Variants in MCTP1 observed in about 807,000 individuals in gnomAD.
The protein encoded by MCTP1 is multiple C2 and transmembrane domain-containing protein 1.
A neutral mutation model predicts 120.6 loss-of-function variants in MCTP1; 69 were observed. The observed-to-expected ratio is 0.57, with a 90% CI of 0.47 to 0.70. The LOEUF is 0.70. MCTP1 is among the 30% of genes least tolerant of loss of function. The probability of loss-of-function intolerance (pLI) is 0.00; values close to 1 mark genes in which losing one functional copy is unlikely to be tolerated. For missense variants in MCTP1, 1,203 were observed against 1,248.8 expected, an observed-to-expected ratio of 0.96 and a Z score of 0.55; for synonymous variants, 529 against 493.1, an observed-to-expected ratio of 1.07 and a Z score of -0.96.
At chr5:95,058,762 A>AT (rs896016663) in intron 1 of MCTP1, among the ~76,000 whole-genome samples, 1 of 151,670 alleles carries the variant, frequency 6.6e-6, no homozygotes, top group African/African-American at 2.4e-5. Context: ...ACACAGGACA[A>AT]TTTTTTCCTT....
At chr5:95,223,980 G>A (rs1753975527) in intron 1 of MCTP1, among the ~76,000 whole-genome samples, 1 of 152,034 alleles carries the variant, frequency 6.6e-6, no homozygotes, top group Non-Finnish European at 1.5e-5. Context: ...TAAACAATGA[G>A]GCTATTTGAA....
chr5:94,897,642 G>A (rs1194001130), intron 10 of MCTP1, among the ~76,000 whole-genome samples: 6 of 152,168 alleles, frequency 3.9e-5, no homozygotes, highest in African/African-American at 1.4e-4. Context: ...TGGGATTACA[G>A]GCATGAGCCA....
At chr5:94,775,633 T>C (rs76053128) in intron 19 of MCTP1, among the ~76,000 whole-genome samples, 2,377 of 152,226 alleles carry the variant, frequency 0.016, 27 homozygotes, top group Middle Eastern at 0.034. Context: ...TTTCTAACAT[T>C]TAATTCAGGA....
At chr5:95,050,754 T>G (rs1745694906) in intron 1 of MCTP1, among the ~76,000 whole-genome samples, 1 of 152,172 alleles carries the variant, frequency 6.6e-6, no homozygotes, top group African/African-American at 2.4e-5. Context: ...AAAAAACCAG[T>G]GTGGAAGTTC....
chr5:95,191,301 C>T (rs944854448), intron 1 of MCTP1, among the ~76,000 whole-genome samples: 2 of 151,882 alleles, frequency 1.3e-5, no homozygotes, highest in African/African-American at 2.4e-5. Flanking sequence ...TATATTTGTA[C>T]CCATTTGTAT....
At chr5:94,942,275 C>A in intron 4 of MCTP1, 73 bp downstream of exon 4, 1 of 1,123,878 alleles carries the variant, frequency 8.9e-7, no homozygotes, top group Non-Finnish European at 1.3e-6. Context: ...GACCCCAGAT[C>A]AGCTGACATT....
chr5:94,783,131 T>C (rs1388617099), intron 18 of MCTP1, among the ~76,000 whole-genome samples: 3 of 152,112 alleles, frequency 2.0e-5, no homozygotes, highest in Non-Finnish European at 2.9e-5. Context: ...TTCTTGGTAC[T>C]ATTCCTTGAA....
Position 94,905,728 on chromosome 5 carries a change from T to C in MCTP1, c.1652+3523A>G, listed in dbSNP as rs1024675017. 5.9e-5 allele frequency among the ~76,000 whole-genome samples: 9 copies of C among 152,150 alleles called. No individual in the cohort carries two copies. In the South Asian group the frequency reaches 1.7e-3, roughly 28 times the overall value. On this transcript the variant is annotated intron_variant, in intron 10 of 22. Transcript: ENST00000515393. ...AAGTTTAGCTTTGCACATTCTAAATTGGAGAAATCTATTAGACTTTCAAAT... is the reference window on the plus strand; with the variant it reads ...AAGTTTAGCTTTGCACATTCTAAATCGGAGAAATCTATTAGACTTTCAAAT...
chr5:94,756,274 T>C (rs1226069765), intron 19 of MCTP1, among the ~76,000 whole-genome samples: 1 of 152,220 alleles, frequency 6.6e-6, no homozygotes, highest in Non-Finnish European at 1.5e-5. Flanking sequence ...CCAGAATCCA[T>C]ACTCTTAACC....
chr5:94,919,157 C>T (rs753393347), intron 7 of MCTP1, among the ~76,000 whole-genome samples: 6 of 152,230 alleles, frequency 3.9e-5, no homozygotes, highest in East Asian at 1.9e-4. Flanking sequence ...TAAGAGTAGG[C>T]GGGTGGTAAT....
At chr5:95,040,833 C>A (rs555142871) in intron 1 of MCTP1, among the ~76,000 whole-genome samples, 1 of 152,140 alleles carries the variant, frequency 6.6e-6, no homozygotes, top group Non-Finnish European at 1.5e-5. Flanking sequence ...TGCTGGAACA[C>A]AAGGGCTCAA....
At chr5:95,246,414 A>C (rs1281319248) in intron 1 of MCTP1, among the ~76,000 whole-genome samples, 1 of 151,918 alleles carries the variant, frequency 6.6e-6, no homozygotes, top group Non-Finnish European at 1.5e-5. Flanking sequence ...GACCCATCTC[A>C]CATGCAAAGG....
At chr5:94,942,695 T>C (rs952058813) in intron 3 of MCTP1, among the ~76,000 whole-genome samples, 1 of 152,062 alleles carries the variant, frequency 6.6e-6, no homozygotes. Flanking sequence ...TAAAATATAG[T>C]AAATCTTCAA....
intron 18 of MCTP1, among the ~76,000 whole-genome samples, chr5:94,795,670 T>C (rs778461079): frequency 4.6e-5 from 7 of 152,188 alleles, no homozygotes; most frequent in Non-Finnish European, 7.4e-5. Flanking sequence ...ACAACTCTAA[T>C]GCTAGAAATT....
chr5:94,982,358 A>T (rs1235163883), intron 2 of MCTP1, among the ~76,000 whole-genome samples: 1 of 152,184 alleles, frequency 6.6e-6, no homozygotes, highest in Admixed American at 6.6e-5. Context: ...AACATTCAGC[A>T]CTAAAATATA....
At chr5:95,065,221 A>G (rs1183890899) in intron 1 of MCTP1, among the ~76,000 whole-genome samples, 1 of 151,984 alleles carries the variant, frequency 6.6e-6, no homozygotes. Flanking sequence ...TTTCAAAATT[A>G]TACAAATTAT....
intron 1 of MCTP1, among the ~76,000 whole-genome samples, chr5:95,100,288 A>T (rs576493177): frequency 1.7e-3 from 253 of 151,716 alleles, no homozygotes; most frequent in African/African-American, 5.4e-3. Context: ...AAAAAAAATT[A>T]AAAAAAAATA....
intron 6 of MCTP1, chr5:94,929,628 C>G: frequency 7.2e-6 from 7 of 974,722 alleles, no homozygotes; most frequent in Non-Finnish European, 8.5e-6. Flanking sequence ...AGTCCCTTAC[C>G]CCTTAGTTTC....
chr5:95,213,023 G>A (rs1752587624), intron 1 of MCTP1, among the ~76,000 whole-genome samples: 1 of 152,244 alleles, frequency 6.6e-6, no homozygotes, highest in Admixed American at 6.5e-5. Flanking sequence ...GGTCAATTAG[G>A]CAGGAGAAGG....
Sources: gnomAD v4.1 joint callset for allele counts (sites outside exome capture counted in the v4.1 genomes callset) on GRCh38, gnomAD v4.1.1 for gene constraint, MANE v1.5 for transcripts, NCBI Gene and HGNC (gene_info 2026-07-23, HGNC 2026-07-21) for gene names.